The following CCR2 variants were observed in gnomAD, a reference collection of about 807,000 sequenced individuals.
The protein encoded by CCR2 is C-C chemokine receptor type 2.
For synonymous variants in CCR2, 183 were observed against 177.1 expected, an observed-to-expected ratio of 1.03 and a Z score of -0.27; for missense variants, 408 against 440.0, an observed-to-expected ratio of 0.93 and a Z score of 0.65.
At position 46,359,755 on chromosome 3, in the gene CCR2, A is replaced by T; in HGVS notation, c.*1145A>T. ...GTGGAGGTCCAGGAGTGAGACCAGGAAAGAATGTGAAAGTGACTACACAAG... is the reference window on the plus strand; with the variant it reads ...GTGGAGGTCCAGGAGTGAGACCAGGTAAGAATGTGAAAGTGACTACACAAG... On this transcript the variant is annotated 3_prime_UTR_variant, in exon 2 of 2. Coordinates refer to ENST00000445132, the MANE Select transcript of CCR2 (RefSeq NM_001123396.4). The T allele has an allele frequency of 6.2e-7, 1 of 1,614,154 alleles. No homozygotes were observed. The highest frequency in any genetic ancestry group is 1.1e-5 in the South Asian group (1 of 91,082).
chr3:46,358,507 G>A lies in CCR2; in HGVS notation c.980G>A (p.Arg327His), dbSNP rs1249120368. 15 of 1,613,294 alleles carry A rather than the reference G, an allele frequency of 9.3e-6. No individual in the cohort carries two copies. Among genetic ancestry groups the A allele is most frequent in the Non-Finnish European group, 1.1e-5 (13 of 1,179,978 alleles). ...SVFFRKHITK[R>H]FCKQCPVFYR... ...TTCTTCCGAAAGCACATCACCAAGC[G>A]CTTCTGCAAACAATGTCCAGTTTTC... Residue 327 changes from arginine to histidine, a missense_variant, in exon 2 of 2, where the codon CGC (arginine) becomes CAC (histidine). Physicochemically the swap from Arg to His is conservative, Grantham distance 29. Coordinates refer to ENST00000445132, the MANE Select transcript of CCR2 (RefSeq NM_001123396.4).
Position 46,359,269 on chromosome 3 carries a change from C to G in CCR2, c.*659C>G. Reference sequence around the variant, plus strand: ...CTTTATTACAGTTTATCTATGGCACCCATGCACCTTACATTTGAAATCTAT... The same window carrying G: ...CTTTATTACAGTTTATCTATGGCACGCATGCACCTTACATTTGAAATCTAT... On this transcript the variant is annotated 3_prime_UTR_variant, in exon 2 of 2. Transcript: ENST00000445132. The G allele has an allele frequency of 9.9e-7, 1 of 1,009,360 alleles. No homozygotes were observed. The highest frequency in any genetic ancestry group is 1.2e-6 in the Non-Finnish European group (1 of 836,068). The allele number at this position is 1,009,360 out of a possible 1,614,324, so 62.5% of individuals were successfully genotyped here. A position where few individuals can be genotyped will look rare whatever the true frequency, so the allele number is the denominator to read the frequency against.
rs373811186 is a variant in CCR2 at position 46,358,598 on chromosome 3, G to A, written c.1071G>A (p.Ser357=). The A allele has an allele frequency of 3.0e-5, 48 of 1,578,876 alleles. No homozygotes were observed. The highest frequency in any genetic ancestry group is 4.6e-5 in the East Asian group (2 of 43,722). ...CTTCCACTGGGGAGCAGGAAGTCTC[G>A]GCTGGTTTATAAAACGAGGAGCAGT... The part of the protein sequence containing the change: ...NTPSTGEQEV[S]AGL The change falls in exon 2 of 2, where the codon TCG becomes TCA. Residue 357 remains serine (S), a synonymous_variant. Coordinates refer to ENST00000445132, the MANE Select transcript of CCR2 (RefSeq NM_001123396.4).
Position 46,358,650 on chromosome 3 carries a change from A to G in CCR2, c.*40A>G, listed in dbSNP as rs1701499057. 6.5e-7 allele frequency: 1 copy of G among 1,536,804 alleles called. No homozygotes were observed. Among genetic ancestry groups the G allele is most frequent in the Non-Finnish European group, 8.8e-7 (1 of 1,139,248 alleles). Reference sequence around the variant, plus strand: ...TGATTGTTGTTTATAAAGGGAGATAACAATCTGTATATAACAACAAACTTC... The same window carrying G: ...TGATTGTTGTTTATAAAGGGAGATAGCAATCTGTATATAACAACAAACTTC... On this transcript the variant is annotated 3_prime_UTR_variant, in exon 2 of 2. Coordinates refer to ENST00000445132, the MANE Select transcript of CCR2 (RefSeq NM_001123396.4).
chr3:46,356,462 A>C (rs541614093), intron 1 of CCR2, among the ~76,000 whole-genome samples: 1 of 152,242 alleles, frequency 6.6e-6, no homozygotes, highest in African/African-American at 2.4e-5. Context: ...GGAAGTTAGC[A>C]GAAGGATCAA....
At position 46,359,288 on chromosome 3, in the gene CCR2, A is replaced by G. The variant is rs1701508702; in HGVS notation, c.*678A>G. On this transcript the variant is annotated 3_prime_UTR_variant, in exon 2 of 2. Transcript: ENST00000445132. ...TGGCACCCATGCACCTTACATTTGA[A>G]ATCTATGAAATATCATGCTCCATTG... 9.9e-7 allele frequency: 1 copy of G among 1,011,278 alleles called. No homozygotes were observed. Among genetic ancestry groups the G allele is most frequent in the Non-Finnish European group, 1.2e-6 (1 of 837,502 alleles). The allele number at this position is 1,011,278 out of a possible 1,614,324, so 62.6% of individuals were successfully genotyped here.
In CCR2 at chr3:46,359,591, G is replaced by T. The variant is rs372612275; in HGVS notation, c.*981G>T. On this transcript the variant is annotated 3_prime_UTR_variant, in exon 2 of 2. Transcript: ENST00000445132. ...GAAGGCTGCATCAGAACCCAGTAAA[G>T]CTTCTTGTCTGGATCTGAGCTGGTT... 2.6e-5 allele frequency: 35 copies of T among 1,358,572 alleles called. No individual in the cohort carries two copies. The African/African-American group carries it at 4.7e-4, about 18-fold the overall frequency. 84.2% of individuals were successfully genotyped at this position (1,358,572 alleles called of 1,614,324 possible).
In CCR2 at chr3:46,360,026, T is replaced by A. The variant is rs1224675625; in HGVS notation, c.*1416T>A. The A allele has an allele frequency of 1.1e-5, 7 of 611,040 alleles. No homozygotes were observed. The highest frequency in any genetic ancestry group is 1.9e-5 in the African/African-American group (1 of 53,098). The allele number at this position is 611,040 out of a possible 1,614,324, so 37.9% of individuals were successfully genotyped here. On this transcript the variant is annotated 3_prime_UTR_variant, in exon 2 of 2. Transcript: ENST00000445132. ...ATTTTCCAAACTACCTTCCAGTTCC[T>A]CATTTTTGAATACAGGCATAGAGTT...
At chr3:46,357,317 A>G (rs1342070074) in intron 1 of CCR2, among the ~76,000 whole-genome samples, 160 bp from the exon 2 acceptor site, 5 of 152,222 alleles carry the variant, frequency 3.3e-5, no homozygotes, top group Non-Finnish European at 7.3e-5. Flanking sequence ...GCCACTAGGA[A>G]TGAAAGGCAA....
rs1701532081 is a variant in CCR2, at chr3:46,360,461, G to C, written c.*1851G>C. ...CGTTTAATCACATTCGAGTGTTTCAGTGCTTCGCAGATGTCCTTGATGCTC... is the reference window on the plus strand; with the variant it reads ...CGTTTAATCACATTCGAGTGTTTCACTGCTTCGCAGATGTCCTTGATGCTC... On this transcript the variant is annotated 3_prime_UTR_variant, in exon 2 of 2. Transcript: ENST00000445132. 1 of 152,364 alleles carries C rather than the reference G, an allele frequency of 6.6e-6. No homozygotes were observed. The highest frequency in any genetic ancestry group is 2.4e-5 in the African/African-American group (1 of 41,464). The allele number at this position is 152,364 out of a possible 1,614,324, so 9.4% of individuals were successfully genotyped here.
At position 46,357,839 on chromosome 3, in the gene CCR2, T is replaced by G. The variant is rs780059438; in HGVS notation, c.312T>G (p.Asn104Lys). 6.2e-7 allele frequency: 1 copy of G among 1,614,218 alleles called. No homozygotes were observed. The highest frequency in any genetic ancestry group is 1.1e-5 in the South Asian group (1 of 91,088). Residue 104 changes from asparagine (N) to lysine (K), a missense_variant, in exon 2 of 2, where the codon AAT becomes AAG. Coordinates refer to ENST00000445132, the MANE Select transcript of CCR2 (RefSeq NM_001123396.4). ...CATTGTGGGCTCACTCTGCTGCAAA[T>G]GAGTGGGTCTTTGGGAATGCAATGT... Reference protein sequence around the residue: ...TLPLWAHSAANEWVFGNAMCK... With the variant: ...TLPLWAHSAAKEWVFGNAMCK...
In CCR2 at chr3:46,359,435, A is replaced by G; in HGVS notation, c.*825A>G. 1.8e-6 allele frequency: 2 copies of G among 1,120,276 alleles called. No homozygotes were observed. The highest frequency in any genetic ancestry group is 3.3e-5 in the East Asian group (1 of 30,204). The allele number at this position is 1,120,276 out of a possible 1,614,324, so 69.4% of individuals were successfully genotyped here. ...TGCAATATATATAGGCTCTTGCTTG[A>G]TCTCTCCAGGAGGTAGTGATTATGA... On this transcript the variant is annotated 3_prime_UTR_variant, in exon 2 of 2. Coordinates refer to ENST00000445132, the MANE Select transcript of CCR2 (RefSeq NM_001123396.4).
In CCR2 at chr3:46,359,482, G is replaced by T; in HGVS notation, c.*872G>T. 9.9e-7 allele frequency: 1 copy of T among 1,011,462 alleles called. No individual in the cohort carries two copies. Among genetic ancestry groups the T allele is most frequent in the South Asian group, 1.9e-5 (1 of 51,370 alleles). The allele number at this position is 1,011,462 out of a possible 1,614,324, so 62.7% of individuals were successfully genotyped here. A position where few individuals can be genotyped will look rare whatever the true frequency, so the allele number is the denominator to read the frequency against. On this transcript the variant is annotated 3_prime_UTR_variant, in exon 2 of 2. Coordinates refer to ENST00000445132, the MANE Select transcript of CCR2 (RefSeq NM_001123396.4). ...ATGAGAAGGGGGTGGAGAATGATGAGTTCCTTCACCAGGAGCAAAGGACGG... is the reference window on the plus strand; with the variant it reads ...ATGAGAAGGGGGTGGAGAATGATGATTTCCTTCACCAGGAGCAAAGGACGG...
In CCR2 at chr3:46,358,230, G is replaced by A. The variant is rs866454124; in HGVS notation, c.703G>A (p.Glu235Lys). The A allele has an allele frequency of 1.1e-5, 17 of 1,614,056 alleles. No homozygotes were observed. Among genetic ancestry groups the A allele is most frequent in the Middle Eastern group, 1.6e-4 (1 of 6,084 alleles). The change falls in exon 2 of 2, where the codon GAG (glutamate) becomes AAG (lysine). Residue 235 changes from glutamate to lysine, a missense_variant. Coordinates refer to ENST00000445132, the MANE Select transcript of CCR2 (RefSeq NM_001123396.4). ...GAAAACCCTGCTTCGGTGTCGAAAC[G>A]AGAAGAAGAGGCATAGGGCAGTGAG... Reference protein sequence around the residue: ...ILKTLLRCRNEKKRHRAVRVI... With the variant: ...ILKTLLRCRNKKKRHRAVRVI...
Position 46,359,503 on chromosome 3 carries a change from G to A in CCR2, c.*893G>A, listed in dbSNP as rs1701512718. Reference sequence around the variant, plus strand: ...ATGAGTTCCTTCACCAGGAGCAAAGGACGGGGATCGTGTGGAACCACTGCA... The same window carrying A: ...ATGAGTTCCTTCACCAGGAGCAAAGAACGGGGATCGTGTGGAACCACTGCA... On this transcript the variant is annotated 3_prime_UTR_variant, in exon 2 of 2. Transcript: ENST00000445132. 18 of 984,236 alleles carry A rather than the reference G, an allele frequency of 1.8e-5. No individual in the cohort carries two copies. The South Asian group carries it at 2.6e-4, about 14-fold the overall frequency. The allele number at this position is 984,236 out of a possible 1,614,324, so 61.0% of individuals were successfully genotyped here. A position where few individuals can be genotyped will look rare whatever the true frequency, so the allele number is the denominator to read the frequency against.
chr3:46,356,267 A>G (rs1701449686), intron 1 of CCR2, among the ~76,000 whole-genome samples: 1 of 152,216 alleles, frequency 6.6e-6, no homozygotes, highest in South Asian at 2.1e-4. Flanking sequence ...GAGTTTAGAC[A>G]ATACAATTCA....
chr3:46,357,525 A>T lies in CCR2; in HGVS notation c.-3A>T, dbSNP rs370081280. On this transcript the variant is annotated 5_prime_UTR_variant, in exon 2 of 2. Coordinates refer to ENST00000445132, the MANE Select transcript of CCR2 (RefSeq NM_001123396.4). ...GGACGCATTTCCCCAGTACATCCACAACATGCTGTCCACATCTCGTTCTCG... is the reference window on the plus strand; with the variant it reads ...GGACGCATTTCCCCAGTACATCCACTACATGCTGTCCACATCTCGTTCTCG... The T allele has an allele frequency of 3.1e-6, 5 of 1,612,448 alleles. No homozygotes were observed. Among genetic ancestry groups the T allele is most frequent in the Non-Finnish European group, 3.4e-6 (4 of 1,178,690 alleles).
rs887867491 is a variant in CCR2, at chr3:46,359,946, G to A, written c.*1336G>A. On this transcript the variant is annotated 3_prime_UTR_variant, in exon 2 of 2. Coordinates refer to ENST00000445132, the MANE Select transcript of CCR2 (RefSeq NM_001123396.4). ...TCACAGTGTGAATCTTGGTGTCTAC[G>A]TTACCAGGCAGGAAGGCTGAGAGGA... 56 of 1,341,484 alleles carry A rather than the reference G, an allele frequency of 4.2e-5. No individual in the cohort carries two copies. Among genetic ancestry groups the A allele is most frequent in the East Asian group, 7.0e-5 (3 of 42,566 alleles). The allele number at this position is 1,341,484 out of a possible 1,614,324, so 83.1% of individuals were successfully genotyped here.
At position 46,359,100 on chromosome 3, in the gene CCR2, G is replaced by A. The variant is rs567142995; in HGVS notation, c.*490G>A. ...GGGCTCACGCATTCAGCCAGGAGAT[G>A]ATACTGGTCCTTAGCCCCATCTGCC... On this transcript the variant is annotated 3_prime_UTR_variant, in exon 2 of 2. Coordinates refer to ENST00000445132, the MANE Select transcript of CCR2 (RefSeq NM_001123396.4). 7.9e-6 allele frequency: 8 copies of A among 1,011,142 alleles called. No individual in the cohort carries two copies. In the African/African-American group the frequency reaches 1.4e-4, roughly 18 times the overall value. 62.6% of individuals were successfully genotyped at this position (1,011,142 alleles called of 1,614,324 possible).
Sources: gnomAD v4.1 joint callset for allele counts (sites outside exome capture counted in the v4.1 genomes callset) on GRCh38, gnomAD v4.1.1 for gene constraint, MANE v1.5 for transcripts, NCBI Gene and HGNC (gene_info 2026-07-23, HGNC 2026-07-21) for gene names.